HS6ST2: variants seen among roughly 807,000 people sequenced by gnomAD.
HS6ST2 encodes the protein heparan-sulfate 6-O-sulfotransferase 2.
Under a neutral mutation model 33.0 loss-of-function variants are expected in HS6ST2, and 17 were observed. The ratio of observed to expected loss-of-function variants is 0.52; its 90% confidence interval spans 0.35 to 0.77. HS6ST2 has a LOEUF of 0.77. Ranked by LOEUF, HS6ST2 falls within the 30% of genes least tolerant of loss-of-function variation. HS6ST2 has a pLI of 0.01. For synonymous variants in HS6ST2, 248 were observed against 237.1 expected, an observed-to-expected ratio of 1.05 and a Z score of -0.42; for missense variants, 519 against 551.7, an observed-to-expected ratio of 0.94 and a Z score of 0.59.
intron 2 of HS6ST2, among the ~76,000 whole-genome samples, chrX:132,733,888 C>T (rs941025555): frequency 1.9e-5 from 2 of 107,990 alleles, no homozygotes; most frequent in Admixed American, 2.0e-4. Flanking sequence ...TACTTACCCA[C>T]GATCAAAGCT....
chrX:132,671,505 C>T (rs911309002), intron 3 of HS6ST2, among the ~76,000 whole-genome samples: 3 of 103,818 alleles, frequency 2.9e-5, no homozygotes, highest in Admixed American at 1.1e-4. Context: ...CCCATGTCTG[C>T]GCCTTGGGCA....
chrX:132,758,465 GTC>G (rs1405534942), intron 2 of HS6ST2: 1 of 111,863 alleles, frequency 8.9e-6, no homozygotes, highest in African/African-American at 3.3e-5. Flanking sequence ...AGCAAGGTTT[GTC>G]CAATTACGTT....
chrX:132,830,227 C>A (rs142121847), intron 2 of HS6ST2, among the ~76,000 whole-genome samples: 90 of 111,877 alleles, frequency 8.0e-4, no homozygotes, highest in Non-Finnish European at 1.1e-3. Flanking sequence ...TATATTTGTA[C>A]CATGATTTAA....
chrX:132,889,004 C>T (rs2066279649), intron 2 of HS6ST2, among the ~76,000 whole-genome samples: 1 of 110,780 alleles, frequency 9.0e-6, no homozygotes, highest in Non-Finnish European at 1.9e-5. Context: ...GTGAAGAAAA[C>T]TAAAGCCTAA....
chrX:132,816,237 C>G (rs1242666432), intron 2 of HS6ST2, among the ~76,000 whole-genome samples: 2 of 111,954 alleles, frequency 1.8e-5, no homozygotes, highest in Non-Finnish European at 3.8e-5. Context: ...AACTTACTTT[C>G]TTCTTGTCAT....
At chrX:132,874,855 T>C (rs773216117) in intron 2 of HS6ST2, among the ~76,000 whole-genome samples, 2 of 111,490 alleles carry the variant, frequency 1.8e-5, no homozygotes, top group East Asian at 5.7e-4. Context: ...CTCCCCAGAC[T>C]TGAGTGGTTG....
At chrX:132,813,080 T>A (rs1168601463) in intron 2 of HS6ST2, among the ~76,000 whole-genome samples, 1 of 111,605 alleles carries the variant, frequency 9.0e-6, no homozygotes, top group East Asian at 2.8e-4. Flanking sequence ...CTAGAAAGAG[T>A]TGTCTACATT....
At chrX:132,849,645 G>A (rs2065783814) in intron 2 of HS6ST2, among the ~76,000 whole-genome samples, 1 of 112,037 alleles carries the variant, frequency 8.9e-6, no homozygotes, top group Non-Finnish European at 1.9e-5. Context: ...AATGTCAGTA[G>A]ATCTGCTTTA....
intron 4 of HS6ST2, among the ~76,000 whole-genome samples, chrX:132,631,167 G>A (rs1480449209): frequency 9.0e-6 from 1 of 111,727 alleles, no homozygotes; most frequent in Non-Finnish European, 1.9e-5. Flanking sequence ...CTGGGGAAGA[G>A]GAAGGAGAGA....
At position 132,750,430 on chromosome X, in the gene HS6ST2, G is replaced by T. The variant is rs148394553; in HGVS notation, c.948-41936C>A. Among the ~76,000 whole-genome samples the T allele has an allele frequency of 2.7e-5, 3 of 110,416 alleles. No individual in the cohort carries two copies. The East Asian group carries it at 8.5e-4, about 31-fold the overall frequency. The stretch of plus-strand genomic sequence containing the variant: ...TCAGTATCACACCAACAGGAAATGG[G>T]GTAAGGAGTGAGCAAGTAAACCAAA... On this transcript the variant is annotated intron_variant, in intron 2 of 4. Coordinates refer to ENST00000370833, the MANE Select transcript of HS6ST2 (RefSeq NM_001394073.1).
chrX:132,751,044 G>A (rs1171952962), intron 2 of HS6ST2, among the ~76,000 whole-genome samples: 4 of 112,190 alleles, frequency 3.6e-5, no homozygotes, highest in African/African-American at 1.3e-4. Flanking sequence ...GACACATGTG[G>A]TCCTGGTAGA....
intron 2 of HS6ST2, among the ~76,000 whole-genome samples, chrX:132,809,953 C>A (rs913609308): frequency 1.8e-5 from 2 of 111,889 alleles, no homozygotes; most frequent in Non-Finnish European, 3.8e-5. Flanking sequence ...TCTAAGAGAC[C>A]AAGAGGCCTG....
chrX:132,898,049 G>A (rs760626755), intron 2 of HS6ST2, among the ~76,000 whole-genome samples: 2 of 110,532 alleles, frequency 1.8e-5, no homozygotes, highest in African/African-American at 6.6e-5. Flanking sequence ...GATCAGTGGC[G>A]TCATTAGATT....
intron 4 of HS6ST2, among the ~76,000 whole-genome samples, chrX:132,662,409 A>G (rs2063780698): frequency 8.9e-6 from 1 of 112,195 alleles, no homozygotes; most frequent in Admixed American, 9.4e-5. Context: ...AGTGCCTGGG[A>G]ACTGGACAGA....
upstream of HS6ST2, chrX:132,961,362 G>A (rs191493892): frequency 3.2e-4 from 36 of 111,122 alleles, no homozygotes; most frequent in African/African-American, 1.1e-3. Context: ...TGAAAAGGCT[G>A]ATGATTCTGG....
At chrX:132,718,065 A>G (rs1310648636) in intron 2 of HS6ST2, among the ~76,000 whole-genome samples, 1 of 112,370 alleles carries the variant, frequency 8.9e-6, no homozygotes, top group Non-Finnish European at 1.9e-5. Context: ...TACCTAAATG[A>G]CAAACAATAA....
intron 2 of HS6ST2, among the ~76,000 whole-genome samples, chrX:132,857,592 G>A (rs895527626): frequency 8.0e-5 from 9 of 111,945 alleles, no homozygotes; most frequent in Admixed American, 4.7e-4. Context: ...TTAAAAGTAC[G>A]GAGGTTGATT....
At chrX:132,740,626 G>C (rs781108775) in intron 2 of HS6ST2, among the ~76,000 whole-genome samples, 1 of 111,775 alleles carries the variant, frequency 8.9e-6, no homozygotes, top group African/African-American at 3.3e-5. Flanking sequence ...GTAGGATTGA[G>C]GAATGGGTGG....
chrX:132,835,830 C>T (rs536193565), intron 2 of HS6ST2, among the ~76,000 whole-genome samples: 75 of 111,538 alleles, frequency 6.7e-4, no homozygotes, highest in African/African-American at 2.3e-3. Context: ...GCAGGAGAAT[C>T]GCTTGAACCT....
Sources: gnomAD v4.1 joint callset for allele counts (sites outside exome capture counted in the v4.1 genomes callset) on GRCh38, gnomAD v4.1.1 for gene constraint, MANE v1.5 for transcripts, NCBI Gene and HGNC (gene_info 2026-07-23, HGNC 2026-07-21) for gene names.